The following IL1RAPL1 variants were observed in gnomAD, a reference collection of about 807,000 sequenced individuals.
The protein encoded by IL1RAPL1 is interleukin-1 receptor accessory protein-like 1.
A neutral mutation model predicts 48.4 loss-of-function variants in IL1RAPL1; 3 were observed. That is an observed-to-expected ratio of 0.06 (90% CI 0.03 to 0.16). The LOEUF is 0.16. Ranked by LOEUF, IL1RAPL1 falls within the 10% of genes least tolerant of loss-of-function variation. The pLI, the probability that IL1RAPL1 is intolerant of heterozygous loss-of-function variation, is 1.00. For synonymous variants in IL1RAPL1, 185 were observed against 187.7 expected (o/e 0.99, Z 0.12); for missense variants, 349 against 530.6 (o/e 0.66, Z 3.36).
intron 5 of IL1RAPL1, among the ~76,000 whole-genome samples, chrX:29,580,293 A>C (rs1922919940): frequency 9.0e-6 from 1 of 111,464 alleles, no homozygotes; most frequent in African/African-American, 3.3e-5. Flanking sequence ...GCCATTACTT[A>C]AAATGTGCTT....
intron 5 of IL1RAPL1, among the ~76,000 whole-genome samples, chrX:29,653,177 T>A (rs1212109729): frequency 8.9e-6 from 1 of 112,155 alleles, no homozygotes; most frequent in East Asian, 2.8e-4. Context: ...AGTCTTCATA[T>A]CCATAGCACT....
intron 1 of IL1RAPL1, among the ~76,000 whole-genome samples, chrX:28,775,874 T>G (rs1490838936): frequency 1.8e-5 from 2 of 112,328 alleles, no homozygotes; most frequent in African/African-American, 6.5e-5. Context: ...GACTGCCTTC[T>G]CCTCATGATT....
At chrX:29,120,895 C>T (rs148391556) in intron 2 of IL1RAPL1, among the ~76,000 whole-genome samples, 1,588 of 111,689 alleles carry the variant, frequency 0.014, 37 homozygotes, top group African/African-American at 0.049. Context: ...GCATCATGGC[C>T]AAGTGGGATT....
chrX:29,388,901 G>T (rs778987280), intron 3 of IL1RAPL1, among the ~76,000 whole-genome samples: 1 of 111,852 alleles, frequency 8.9e-6, no homozygotes, highest in South Asian at 3.7e-4. Context: ...CTTTAAAATA[G>T]TTAATGGTTC....
In IL1RAPL1 at chrX:29,929,873, A is replaced by T. The variant is rs970689355; in HGVS notation, c.1057+9779A>T. Among the ~76,000 whole-genome samples the T allele has an allele frequency of 9.9e-5, 11 of 111,480 alleles. No homozygotes were observed. In the South Asian group the frequency reaches 4.1e-3, roughly 41 times the overall value. On this transcript the variant is annotated intron_variant, in intron 8 of 10. Transcript: ENST00000378993. ...TCACAACTGCTTGGGTCCATTTCTA[A>T]TTCTCCCCAAACAAATATGTCTGTA...
chrX:29,655,155 A>G (rs1020790639), intron 5 of IL1RAPL1, among the ~76,000 whole-genome samples: 1 of 111,855 alleles, frequency 8.9e-6, no homozygotes, highest in Non-Finnish European at 1.9e-5. Flanking sequence ...TCAGGCAAGC[A>G]GATCAAACCT....
intron 6 of IL1RAPL1, among the ~76,000 whole-genome samples, chrX:29,831,031 A>G (rs1256422934): frequency 4.5e-5 from 5 of 111,860 alleles, no homozygotes; most frequent in African/African-American, 1.6e-4. Flanking sequence ...CCAAATTTGA[A>G]TTTAAAAGGA....
At chrX:29,124,630 G>T (rs1252108113) in intron 2 of IL1RAPL1, among the ~76,000 whole-genome samples, 1 of 112,069 alleles carries the variant, frequency 8.9e-6, no homozygotes, top group Non-Finnish European at 1.9e-5. Flanking sequence ...ATTGGCATTT[G>T]AAATTGTTAG....
intron 6 of IL1RAPL1, among the ~76,000 whole-genome samples, chrX:29,711,124 C>G (rs867228863): frequency 4.1e-5 from 4 of 97,710 alleles, no homozygotes; most frequent in Non-Finnish European, 8.1e-5. Flanking sequence ...GGCCTCTTTA[C>G]ATCTTTTAAT....
chrX:29,168,191 G>A (rs1371813805), intron 2 of IL1RAPL1, among the ~76,000 whole-genome samples: 1 of 109,375 alleles, frequency 9.1e-6, no homozygotes, highest in Non-Finnish European at 1.9e-5. Flanking sequence ...TTTGGTGACA[G>A]CATTCAAAAT....
At chrX:29,141,931 GACAA>G (rs1602077492) in intron 2 of IL1RAPL1, among the ~76,000 whole-genome samples, 4 of 104,202 alleles carry the variant, frequency 3.8e-5, no homozygotes, top group South Asian at 8.2e-4. Flanking sequence ...TATTTCACAA[GACAA>G]ACAGTGAAGG....
At chrX:29,931,641 C>G (rs1393653667) in intron 8 of IL1RAPL1, among the ~76,000 whole-genome samples, 1 of 112,244 alleles carries the variant, frequency 8.9e-6, no homozygotes, top group African/African-American at 3.2e-5. Flanking sequence ...AATCATCATA[C>G]TATATTTGTT....
rs746936916 is a variant in IL1RAPL1, at chrX:29,453,912, A to C, written c.703+54604A>C. On this transcript the variant is annotated intron_variant, in intron 5 of 10. Transcript: ENST00000378993. ...TCCTCTGCATCATCTATGTGTTCTA[A>C]ATATATTTTGGTTGAATCTTTGAAT... Among the ~76,000 whole-genome samples, 3 of 112,530 alleles carry C rather than the reference A, an allele frequency of 2.7e-5. No homozygotes were observed. In the South Asian group the frequency reaches 1.1e-3, roughly 41 times the overall value.
rs1368855935 is a variant in IL1RAPL1 at position 29,356,706 on chromosome X, C to T, written c.363-39552C>T. On this transcript the variant is annotated intron_variant, in intron 3 of 10. Coordinates refer to ENST00000378993, the MANE Select transcript of IL1RAPL1 (RefSeq NM_014271.4). The stretch of plus-strand genomic sequence containing the variant: ...AGTTGCCTCTACATCTATACGACCG[C>T]AAATAATGCTACAGTGAACATCCTC... 3.6e-5 allele frequency among the ~76,000 whole-genome samples: 4 copies of T among 111,010 alleles called. No individual in the cohort carries two copies. The East Asian group carries it at 8.5e-4, about 24-fold the overall frequency.
intron 5 of IL1RAPL1, among the ~76,000 whole-genome samples, chrX:29,568,412 G>T (rs1246287343): frequency 9.1e-6 from 1 of 110,041 alleles, no homozygotes; most frequent in African/African-American, 3.3e-5. Flanking sequence ...AGAGAGCCAT[G>T]CATGGGTTAA....
Position 29,608,941 on chromosome X carries a change from C to T in IL1RAPL1, c.704-59489C>T, listed in dbSNP as rs187252371. On this transcript the variant is annotated intron_variant, in intron 5 of 10. Coordinates refer to ENST00000378993, the MANE Select transcript of IL1RAPL1 (RefSeq NM_014271.4). Reference sequence around the variant, plus strand: ...GAGCAGCTGTTAGGAAATCCTACTTCTATCTATCAAGAAGGGTTTATTTAA... The same window carrying T: ...GAGCAGCTGTTAGGAAATCCTACTTTTATCTATCAAGAAGGGTTTATTTAA... 9.6e-4 allele frequency among the ~76,000 whole-genome samples: 108 copies of T among 112,404 alleles called. 1 individual carries two copies. Among genetic ancestry groups the T allele is most frequent in the African/African-American group, 3.2e-3 (99 of 30,983 alleles).
At chrX:29,446,735 C>G (rs1934616458) in intron 5 of IL1RAPL1, among the ~76,000 whole-genome samples, 1 of 111,381 alleles carries the variant, frequency 9.0e-6, no homozygotes, top group Non-Finnish European at 1.9e-5. Flanking sequence ...ATATAGTATG[C>G]TCTTGGAGAA....
At chrX:28,713,557 T>C (rs1464204328) in intron 1 of IL1RAPL1, among the ~76,000 whole-genome samples, 1 of 111,032 alleles carries the variant, frequency 9.0e-6, no homozygotes, top group Non-Finnish European at 1.9e-5. Context: ...ATATGATGGG[T>C]TGTCACTCAT....
intron 2 of IL1RAPL1, among the ~76,000 whole-genome samples, chrX:28,870,266 T>G (rs1357666306): frequency 9.0e-6 from 1 of 111,366 alleles, no homozygotes; most frequent in Non-Finnish European, 1.9e-5. Context: ...AGTTGTTGGA[T>G]TATGTTTAAT....
Sources: gnomAD v4.1 joint callset for allele counts (sites outside exome capture counted in the v4.1 genomes callset) on GRCh38, gnomAD v4.1.1 for gene constraint, MANE v1.5 for transcripts, NCBI Gene and HGNC (gene_info 2026-07-23, HGNC 2026-07-21) for gene names.